The following NBEA variants were observed in gnomAD, a reference collection of about 807,000 sequenced individuals.
The protein encoded by NBEA is lysosomal-trafficking regulator 2.
Under a neutral mutation model 343.4 loss-of-function variants are expected in NBEA, and 44 were observed. The observed-to-expected ratio is 0.13, with a 90% CI of 0.10 to 0.16. The LOEUF (loss-of-function observed/expected upper bound fraction) is 0.16, where lower values mean the gene tolerates loss of function less well. Ranked by LOEUF, NBEA falls within the 10% of genes least tolerant of loss-of-function variation. The pLI is 1.00. For synonymous variants in NBEA, 1,175 were observed against 1,238.7 expected (o/e 0.95, Z 1.08); for missense variants, 2,555 against 3,631.3 (o/e 0.70, Z 7.62).
chr13:35,643,591 G>T (rs1429322352), intron 49 of NBEA, among the ~76,000 whole-genome samples: 1 of 152,166 alleles, frequency 6.6e-6, no homozygotes, highest in South Asian at 2.1e-4. Flanking sequence ...GACCTGCAGA[G>T]ATTCAGTCTG....
chr13:35,511,203 CA>C, intron 41 of NBEA, among the ~76,000 whole-genome samples: 1 of 152,216 alleles, frequency 6.6e-6, no homozygotes, highest in African/African-American at 2.4e-5. Flanking sequence ...TATATTTATT[CA>C]CATAGTCAGC....
chr13:35,144,181 G>C (rs1413153632), intron 18 of NBEA, among the ~76,000 whole-genome samples: 1 of 152,166 alleles, frequency 6.6e-6, no homozygotes, highest in African/African-American at 2.4e-5. Context: ...TCAGGAAAGG[G>C]GAGTGTGGGT....
intron 41 of NBEA, chr13:35,475,536 C>A (rs767268138): frequency 1.2e-6 from 2 of 1,613,038 alleles, no homozygotes; most frequent in Admixed American, 3.3e-5. Context: ...CCTTGACCTC[C>A]GCCACCCGGT....
At chr13:35,629,956 G>T (rs1227353269) in intron 49 of NBEA, among the ~76,000 whole-genome samples, 2 of 152,016 alleles carry the variant, frequency 1.3e-5, no homozygotes, top group African/African-American at 4.8e-5. Flanking sequence ...TGGATATTTT[G>T]TTATACATTT....
chr13:35,003,477 A>G (rs1703316990), intron 1 of NBEA, among the ~76,000 whole-genome samples: 1 of 152,174 alleles, frequency 6.6e-6, no homozygotes, highest in Non-Finnish European at 1.5e-5. Context: ...AAAGGATGAA[A>G]CATGAACTAG....
At chr13:35,520,897 C>T (rs367652376) in intron 41 of NBEA, among the ~76,000 whole-genome samples, 87 of 152,104 alleles carry the variant, frequency 5.7e-4, no homozygotes, top group African/African-American at 1.8e-3. Flanking sequence ...AAACTTTTTT[C>T]GGACATATCT....
chr13:35,484,428 T>C (rs1398661469), intron 41 of NBEA, among the ~76,000 whole-genome samples: 1 of 151,974 alleles, frequency 6.6e-6, no homozygotes, highest in Non-Finnish European at 1.5e-5. Context: ...ATGTTTTGTT[T>C]TTTGTTTTTT....
intron 1 of NBEA, among the ~76,000 whole-genome samples, chr13:34,964,031 A>G (rs970073796): frequency 2.0e-5 from 3 of 152,018 alleles, no homozygotes; most frequent in African/African-American, 7.2e-5. Context: ...TAATTTTTCC[A>G]AGATTTCAGA....
At chr13:35,376,792 G>T (rs1487883111) in intron 38 of NBEA, among the ~76,000 whole-genome samples, 3 of 152,052 alleles carry the variant, frequency 2.0e-5, no homozygotes, top group Non-Finnish European at 4.4e-5. Context: ...TTAGGAAAAG[G>T]GGTTTTGAAG....
chr13:35,020,126 G>T (rs559899148), intron 1 of NBEA, among the ~76,000 whole-genome samples: 78 of 152,062 alleles, frequency 5.1e-4, no homozygotes, highest in African/African-American at 1.9e-3. Flanking sequence ...AGCTTCTATA[G>T]TAATATAAGT....
At chr13:35,515,467 G>T (rs946505956) in intron 41 of NBEA, among the ~76,000 whole-genome samples, 1 of 152,124 alleles carries the variant, frequency 6.6e-6, no homozygotes, top group Non-Finnish European at 1.5e-5. Context: ...TCAGCAGAAG[G>T]TTTTATTCTT....
intron 38 of NBEA, among the ~76,000 whole-genome samples, chr13:35,365,464 T>C (rs2041046491): frequency 6.6e-6 from 1 of 151,660 alleles, no homozygotes; most frequent in South Asian, 2.1e-4. Flanking sequence ...GCTATCACAG[T>C]CTCTTAGTCT....
At chr13:34,989,136 A>G (rs2060660521) in intron 1 of NBEA, among the ~76,000 whole-genome samples, 1 of 150,884 alleles carries the variant, frequency 6.6e-6, no homozygotes, top group African/African-American at 2.4e-5. Flanking sequence ...CTACATCTCT[A>G]GCTTTTCAGT....
chr13:35,209,944 C>T (rs575296826), intron 32 of NBEA, among the ~76,000 whole-genome samples: 11 of 152,160 alleles, frequency 7.2e-5, no homozygotes, highest in African/African-American at 2.6e-4. Flanking sequence ...TGTCTGAAGA[C>T]TTTAAAGTCT....
At position 35,670,589 on chromosome 13, in the gene NBEA, G is replaced by A. The variant is rs138594268; in HGVS notation, c.8814-312G>A. 7.7e-3 allele frequency among the ~76,000 whole-genome samples: 1,176 copies of A among 152,338 alleles called. 6 individuals are homozygous for A. Among genetic ancestry groups the A allele is most frequent in the Non-Finnish European group, 0.012 (786 of 68,034 alleles). On this transcript the variant is annotated intron_variant, in intron 58 of 58. Transcript: ENST00000379939. ...CAATAGATGCCCAAAACAAGGCAGC[G>A]GACAGGCACGTGTGTGATTGCTGAG...
At chr13:35,018,790 T>C (rs1024300646) in intron 1 of NBEA, among the ~76,000 whole-genome samples, 4 of 152,140 alleles carry the variant, frequency 2.6e-5, no homozygotes, top group African/African-American at 7.2e-5. Flanking sequence ...TGAATAGAAG[T>C]AGTCAGAGAG....
chr13:35,429,460 T>TTTTG (rs1025217591), intron 38 of NBEA, among the ~76,000 whole-genome samples: 1 of 152,108 alleles, frequency 6.6e-6, no homozygotes, highest in Non-Finnish European at 1.5e-5. Flanking sequence ...TGCTGGGGCT[T>TTTTG]TTTGTTTGTT....
Position 35,054,013 on chromosome 13 carries a change from A to G in NBEA, c.973-1997A>G, listed in dbSNP as rs570344917. ...TCCTGCCCAGTACATTATCTGGAGT[A>G]GTAAGAACTCAGTAAGTATTGTTTG... On this transcript the variant is annotated intron_variant, in intron 6 of 58. Coordinates refer to ENST00000379939, the MANE Select transcript of NBEA (RefSeq NM_001385012.1). Among the ~76,000 whole-genome samples the G allele has an allele frequency of 4.6e-5, 7 of 152,266 alleles. No homozygotes were observed. In the East Asian group the frequency reaches 9.7e-4, roughly 21 times the overall value.
intron 1 of NBEA, among the ~76,000 whole-genome samples, chr13:34,968,135 A>C (rs2059884712): frequency 6.6e-6 from 1 of 152,128 alleles, no homozygotes; most frequent in Non-Finnish European, 1.5e-5. Context: ...CAAATGGAAG[A>C]AATGTATAAG....
Sources: allele counts gnomAD v4.1 joint callset (sites outside exome capture counted in the v4.1 genomes callset), GRCh38; gene constraint gnomAD v4.1.1; transcripts MANE v1.5; gene names NCBI Gene and HGNC (gene_info 2026-07-23, HGNC 2026-07-21).